The following ATP8A2 variants were observed in gnomAD, a reference collection of about 807,000 sequenced individuals.
ATP8A2 encodes the protein phospholipid-transporting ATPase IB.
A neutral mutation model predicts 165.6 loss-of-function variants in ATP8A2; 100 were observed. That is an observed-to-expected ratio of 0.60 (90% CI 0.51 to 0.71). ATP8A2 has a LOEUF of 0.71. Among genes scored for constraint, ATP8A2 ranks in the 30% least tolerant of loss-of-function variants. The probability of loss-of-function intolerance (pLI) is 0.00; values close to 1 mark genes in which losing one functional copy is unlikely to be tolerated. For missense variants in ATP8A2, 1,227 were observed against 1,479.5 expected, an observed-to-expected ratio of 0.83 and a Z score of 2.80; for synonymous variants, 543 against 548.8, an observed-to-expected ratio of 0.99 and a Z score of 0.15.
At chr13:25,877,693 A>T (rs1029585306) in intron 33 of ATP8A2, among the ~76,000 whole-genome samples, 1 of 152,190 alleles carries the variant, frequency 6.6e-6, no homozygotes, top group Non-Finnish European at 1.5e-5. Flanking sequence ...GCCATGTGGC[A>T]TAAGTGTCTG....
At chr13:25,622,461 A>G (rs2040994926) in intron 24 of ATP8A2, among the ~76,000 whole-genome samples, 1 of 152,170 alleles carries the variant, frequency 6.6e-6, no homozygotes, top group Non-Finnish European at 1.5e-5. Flanking sequence ...TAGAAAAGTA[A>G]TGAATCTCAT....
chr13:25,697,186 C>G (rs1043477025), intron 24 of ATP8A2, among the ~76,000 whole-genome samples: 1 of 152,126 alleles, frequency 6.6e-6, no homozygotes, highest in Non-Finnish European at 1.5e-5. Context: ...ATTATATTAA[C>G]AAAGAAGGCA....
rs1953278956 is a variant in ATP8A2, at chr13:25,889,292, A to G, written c.3183+26884A>G. ...TATATATAAAATTTAAATGATTTTA[A>G]AAAATAATATATGGTCAAAAATCCT... On this transcript the variant is annotated intron_variant, in intron 33 of 36. Coordinates refer to ENST00000381655, the MANE Select transcript of ATP8A2 (RefSeq NM_016529.6). 3.5e-5 allele frequency among the ~76,000 whole-genome samples: 5 copies of G among 141,724 alleles called. No homozygotes were observed. The South Asian group carries it at 1.1e-3, about 31-fold the overall frequency. 93.0% of individuals were successfully genotyped at this position (141,724 alleles called of 152,430 possible).
chr13:25,411,723 A>G (rs574018313), intron 1 of ATP8A2, among the ~76,000 whole-genome samples: 2 of 152,336 alleles, frequency 1.3e-5, no homozygotes, highest in South Asian at 2.1e-4. Context: ...ATATTTATAT[A>G]TACATACATG....
At chr13:25,618,764 T>C (rs980281285) in intron 24 of ATP8A2, among the ~76,000 whole-genome samples, 3 of 151,186 alleles carry the variant, frequency 2.0e-5, no homozygotes, top group African/African-American at 7.3e-5. Flanking sequence ...TGATGCTTAG[T>C]AGTAGTTGAT....
rs149142095 is a variant in ATP8A2 at position 25,791,820 on chromosome 13, A to G, written c.2679+16861A>G. Among the ~76,000 whole-genome samples the G allele has an allele frequency of 1.3e-3, 199 of 152,258 alleles. 1 individual carries two copies. The highest frequency in any genetic ancestry group is 4.5e-3 in the African/African-American group (188 of 41,550). ...TTGTTGATCCGAAGATGGAAAATAC[A>G]TTTTACTAGACCCTTGTTTCCTTCT... is the stretch of plus-strand genomic sequence containing the variant. On this transcript the variant is annotated intron_variant, in intron 27 of 36. Coordinates refer to ENST00000381655, the MANE Select transcript of ATP8A2 (RefSeq NM_016529.6).
chr13:25,760,235 T>G (rs2044353365), intron 25 of ATP8A2, among the ~76,000 whole-genome samples: 1 of 152,180 alleles, frequency 6.6e-6, no homozygotes, highest in Non-Finnish European at 1.5e-5. Context: ...GTAACTCCTG[T>G]TTCAAAGAAG....
In ATP8A2 at chr13:25,953,774, G is replaced by T. The variant is rs573024600; in HGVS notation, c.3184-7801G>T. Among the ~76,000 whole-genome samples, 1 of 152,080 alleles carries T rather than the reference G, an allele frequency of 6.6e-6. No homozygotes were observed. Among genetic ancestry groups the T allele is most frequent in the African/African-American group, 2.4e-5 (1 of 41,434 alleles). ...GATTGAGGAACTCCCTCCCCTAGCC[G>T]AGGGAAGCCGTGAGGGACTGTGCTG... is the stretch of plus-strand genomic sequence containing the variant. On this transcript the variant is annotated intron_variant, in intron 33 of 36. Coordinates refer to ENST00000381655, the MANE Select transcript of ATP8A2 (RefSeq NM_016529.6). This position sits in a 1 kb window ranked among gnomAD's most constrained non-coding sequence, Gnocchi z 6.7.
chr13:25,507,320 T>TA (rs990287210), intron 2 of ATP8A2, among the ~76,000 whole-genome samples: 10 of 151,222 alleles, frequency 6.6e-5, no homozygotes, highest in African/African-American at 2.4e-4. Context: ...GGCTGGAGTG[T>TA]AGTGGTGCGA....
Position 25,769,296 on chromosome 13 carries a change from C to T in ATP8A2, c.2568+67C>T, listed in dbSNP as rs775144305. 32 of 1,496,374 alleles carry T rather than the reference C, an allele frequency of 2.1e-5. No homozygotes were observed. The Admixed American group carries it at 2.6e-4, about 12-fold the overall frequency. The allele number at this position is 1,496,374 out of a possible 1,614,324, so 92.7% of individuals were successfully genotyped here. On this transcript the variant is annotated intron_variant, in intron 26 of 36. Coordinates refer to ENST00000381655, the MANE Select transcript of ATP8A2 (RefSeq NM_016529.6). ...ATGATAGCTGGGCATGAGGACCTGG[C>T]GTTTAACCTTCAGTGCATCTCCAAA...
chr13:25,579,045 A>G, intron 21 of ATP8A2, 146 bp downstream of exon 21: 1 of 660,034 alleles, frequency 1.5e-6, no homozygotes, highest in Non-Finnish European at 2.7e-6. Context: ...GCCAAATCCA[A>G]ACTCATTTAC....
chr13:25,887,977 A>T (rs1953212335), intron 33 of ATP8A2, among the ~76,000 whole-genome samples: 1 of 151,882 alleles, frequency 6.6e-6, no homozygotes, highest in Non-Finnish European at 1.5e-5. Flanking sequence ...TAACATGGAT[A>T]TCACCACCAT....
intron 25 of ATP8A2, among the ~76,000 whole-genome samples, chr13:25,755,241 A>G (rs971299030): frequency 6.6e-6 from 1 of 152,144 alleles, no homozygotes; most frequent in African/African-American, 2.4e-5. Context: ...TCACAATTCC[A>G]TCTCCAGAGG....
intron 24 of ATP8A2, among the ~76,000 whole-genome samples, chr13:25,618,439 C>T (rs1261035105): frequency 3.3e-5 from 5 of 151,938 alleles, no homozygotes; most frequent in East Asian, 1.9e-4. Context: ...TTGTCATTTT[C>T]GGGAAGAAGG....
chr13:25,801,538 A>G (rs541504294), intron 27 of ATP8A2, among the ~76,000 whole-genome samples: 3 of 152,208 alleles, frequency 2.0e-5, no homozygotes, highest in South Asian at 4.2e-4. Context: ...GAAGTTTCCA[A>G]ATGATCAGAG....
At chr13:25,955,856 C>T (rs1357436347) in intron 33 of ATP8A2, among the ~76,000 whole-genome samples, 2 of 152,308 alleles carry the variant, frequency 1.3e-5, no homozygotes, top group Non-Finnish European at 2.9e-5. Context: ...CCCTGATGAA[C>T]ATCAGTGTGA....
chr13:25,875,720 G>C (rs921004502), intron 33 of ATP8A2, among the ~76,000 whole-genome samples: 2 of 149,424 alleles, frequency 1.3e-5, no homozygotes, highest in African/African-American at 5.2e-5. Context: ...AGCCACATAG[G>C]TGATGTCTGT....
At chr13:25,709,385 G>T (rs2043115570) in intron 25 of ATP8A2, among the ~76,000 whole-genome samples, 1 of 152,190 alleles carries the variant, frequency 6.6e-6, no homozygotes, top group African/African-American at 2.4e-5. Context: ...TGTTTTAATG[G>T]ATGGGTGTGG....
intron 1 of ATP8A2, among the ~76,000 whole-genome samples, chr13:25,394,876 C>T (rs1332055719): frequency 6.6e-6 from 1 of 152,216 alleles, no homozygotes; most frequent in Non-Finnish European, 1.5e-5. Flanking sequence ...GCCTGCATGA[C>T]AAGCCTTACT....
Sources: gnomAD v4.1 joint callset for allele counts (sites outside exome capture counted in the v4.1 genomes callset) on GRCh38, gnomAD v4.1.1 for gene constraint, Gnocchi (gnomAD v3.1) non-coding constraint, MANE v1.5 for transcripts, NCBI Gene and HGNC (gene_info 2026-07-23, HGNC 2026-07-21) for gene names.